The following SPAG16 variants were observed in gnomAD, a reference collection of about 807,000 sequenced individuals.
SPAG16 encodes sperm associated antigen 16.
A neutral mutation model predicts 80.4 loss-of-function variants in SPAG16; 86 were observed. The observed-to-expected ratio is 1.07, with a 90% CI of 0.90 to 1.28. The LOEUF is 1.28. SPAG16 is among the 50% of genes most tolerant of loss of function. SPAG16 has a pLI of 0.00. For missense variants in SPAG16, 870 were observed against 765.3 expected (o/e 1.14, Z -1.61); for synonymous variants, 294 against 265.9 (o/e 1.11, Z -1.03).
rs116566888 is a variant in SPAG16 at position 213,848,664 on chromosome 2, T to C, written c.1071-13821T>C. Among the ~76,000 whole-genome samples the C allele has an allele frequency of 6.0e-3, 913 of 152,308 alleles. 1 individual carries two copies. Among genetic ancestry groups the C allele is most frequent in the Non-Finnish European group, 8.9e-3 (607 of 68,018 alleles). Reference sequence around the variant, plus strand: ...TTTTTAACAACTTTATCAAAGCGTTTTTATAATGCCAGTTTATACCCCTGT... The same window carrying C: ...TTTTTAACAACTTTATCAAAGCGTTCTTATAATGCCAGTTTATACCCCTGT... On this transcript the variant is annotated intron_variant, in intron 10 of 15. Coordinates refer to ENST00000331683, the MANE Select transcript of SPAG16 (RefSeq NM_024532.5).
chr2:214,033,177 G>A (rs2048508992), intron 13 of SPAG16, among the ~76,000 whole-genome samples: 2 of 152,208 alleles, frequency 1.3e-5, no homozygotes, highest in Admixed American at 1.3e-4. Context: ...GACAACTGCA[G>A]CAAATGCATG....
chr2:214,329,393 A>G (rs1309649448), intron 15 of SPAG16, among the ~76,000 whole-genome samples: 2 of 152,238 alleles, frequency 1.3e-5, no homozygotes, highest in African/African-American at 4.8e-5. Context: ...AAAAGTCTTC[A>G]TTTATTCTAC....
At chr2:213,456,618 T>C (rs1575634457) in intron 9 of SPAG16, among the ~76,000 whole-genome samples, 1 of 152,236 alleles carries the variant, frequency 6.6e-6, no homozygotes, top group East Asian at 1.9e-4. Flanking sequence ...CTTTCATTTT[T>C]TTTCCTGAGT....
At chr2:213,421,991 C>G in intron 9 of SPAG16, 2 of 570,926 alleles carry the variant, frequency 3.5e-6, no homozygotes, top group Non-Finnish European at 6.3e-6. Context: ...TAAAGTTCCT[C>G]TCTGCCTTGC....
chr2:213,749,601 T>A (rs917061428), intron 10 of SPAG16, among the ~76,000 whole-genome samples: 4 of 152,196 alleles, frequency 2.6e-5, no homozygotes, highest in African/African-American at 9.6e-5. Context: ...AATGAGAATA[T>A]GTTGTATACT....
chr2:214,144,161 A>G (rs949561716), intron 14 of SPAG16, among the ~76,000 whole-genome samples: 18 of 152,158 alleles, frequency 1.2e-4, no homozygotes, highest in African/African-American at 3.9e-4. Flanking sequence ...ATAAGATTTA[A>G]AAGTAAAGTA....
intron 11 of SPAG16, among the ~76,000 whole-genome samples, chr2:213,882,969 C>A (rs942257824): frequency 2.0e-5 from 3 of 152,094 alleles, no homozygotes; most frequent in Admixed American, 1.3e-4. Flanking sequence ...GCCTCCCAGG[C>A]CATTCTCCTC....
At chr2:214,211,475 A>G (rs2058291883) in intron 15 of SPAG16, among the ~76,000 whole-genome samples, 1 of 152,224 alleles carries the variant, frequency 6.6e-6, no homozygotes, top group Non-Finnish European at 1.5e-5. Context: ...TCCTACAGTC[A>G]TGGGGGAATA....
chr2:213,375,008 A>T lies in SPAG16; in HGVS notation c.833-2A>T, dbSNP rs777161931. ...TTAAGAATAAATTATATTATCTTGT[A>T]GTTGATCATAGTCGTGAAAAAGAAA... is the stretch of plus-strand genomic sequence containing the variant. On this transcript the variant is annotated splice_acceptor_variant, in intron 8 of 15. Transcript: ENST00000331683. LOFTEE classifies it high-confidence loss of function. 3.8e-6 allele frequency: 6 copies of T among 1,581,000 alleles called. No homozygotes were observed. The highest frequency in any genetic ancestry group is 4.3e-6 in the Non-Finnish European group (5 of 1,157,434).
At chr2:213,577,489 C>T (rs536889092) in intron 10 of SPAG16, among the ~76,000 whole-genome samples, 1 of 152,224 alleles carries the variant, frequency 6.6e-6, no homozygotes, top group Non-Finnish European at 1.5e-5. Context: ...CCTCCGTTTC[C>T]TGATAAGCCC....
chr2:214,330,113 A>G (rs1361318906), intron 15 of SPAG16, among the ~76,000 whole-genome samples: 2 of 15,460 alleles, frequency 1.3e-4, no homozygotes, highest in Non-Finnish European at 6.2e-4. Context: ...CCAAAAATAG[A>G]AAAAAAAAAA....
chr2:213,353,069 A>C (rs2065423748), intron 7 of SPAG16, among the ~76,000 whole-genome samples: 2 of 152,226 alleles, frequency 1.3e-5, no homozygotes, highest in Admixed American at 1.3e-4. Context: ...TATAGCTTAA[A>C]GTCTACAGGC....
In SPAG16 at chr2:213,910,494, T is replaced by TA. The variant is rs1175868262; in HGVS notation, c.1215-19466_1215-19465insA. Among the ~76,000 whole-genome samples the TA allele has an allele frequency of 4.4e-4, 13 of 29,464 alleles. 6 individuals carry two copies. Among genetic ancestry groups the TA allele is most frequent in the Non-Finnish European group, 1.6e-3 (11 of 6,814 alleles). 19.3% of individuals were successfully genotyped at this position (29,464 alleles called of 152,430 possible). A position where few individuals can be genotyped will look rare whatever the true frequency, so the allele number is the denominator to read the frequency against. On this transcript the variant is annotated intron_variant, in intron 11 of 15. Transcript: ENST00000331683. The stretch of plus-strand genomic sequence containing the variant: ...ATTTGCTTTTGTAAGAATTCTTTTT[T>TA]TTTTTTTTTTTTGAGACGGAGTCTC...
At chr2:213,815,460 G>A (rs779784160) in intron 10 of SPAG16, among the ~76,000 whole-genome samples, 3 of 152,086 alleles carry the variant, frequency 2.0e-5, no homozygotes, top group Non-Finnish European at 4.4e-5. Context: ...TATGAATTTT[G>A]TTCAGGTAAA....
chr2:213,765,095 C>T (rs527767712), intron 10 of SPAG16, among the ~76,000 whole-genome samples: 1 of 152,322 alleles, frequency 6.6e-6, no homozygotes, highest in South Asian at 2.1e-4. Context: ...AGGCCGGGCA[C>T]GATGGCTCAT....
At chr2:213,350,162 T>C (rs995197999) in intron 6 of SPAG16, among the ~76,000 whole-genome samples, 1 of 152,218 alleles carries the variant, frequency 6.6e-6, no homozygotes, top group Non-Finnish European at 1.5e-5. Flanking sequence ...TGTTTAATCA[T>C]CTATTGTTTG....
chr2:213,924,176 G>A (rs2078356142), intron 11 of SPAG16, among the ~76,000 whole-genome samples: 1 of 152,194 alleles, frequency 6.6e-6, no homozygotes, highest in Non-Finnish European at 1.5e-5. Context: ...TTATTCAGGT[G>A]ATGGCACTGG....
At chr2:214,150,884 G>C (rs115026924) in intron 15 of SPAG16, among the ~76,000 whole-genome samples, 78 of 152,106 alleles carry the variant, frequency 5.1e-4, no homozygotes, top group African/African-American at 1.9e-3. Context: ...AGGTCAGTGT[G>C]ATTTTAAGGC....
chr2:213,643,603 CT>C (rs1393504659), intron 10 of SPAG16, among the ~76,000 whole-genome samples: 7 of 149,448 alleles, frequency 4.7e-5, no homozygotes, highest in South Asian at 2.1e-4. Context: ...CTTTCTACCC[CT>C]ATCTCTTTTT....
Sources: allele counts gnomAD v4.1 joint callset (sites outside exome capture counted in the v4.1 genomes callset), GRCh38; gene constraint gnomAD v4.1.1; transcripts MANE v1.5; gene names NCBI Gene and HGNC (gene_info 2026-07-23, HGNC 2026-07-21).